Variants in PER2 observed in about 807,000 individuals in gnomAD.
PER2 encodes period circadian regulator 2, also known as period circadian protein homolog 2.
A neutral mutation model predicts 121.0 loss-of-function variants in PER2; 66 were observed. That is an observed-to-expected ratio of 0.55 (90% confidence interval 0.45 to 0.67). The LOEUF (loss-of-function observed/expected upper bound fraction) is 0.67, where lower values mean the gene tolerates loss of function less well. Ranked by LOEUF, PER2 falls within the 30% of genes least tolerant of loss-of-function variation. The pLI is 0.00. For missense variants in PER2, 1,521 were observed against 1,635.0 expected (o/e 0.93, Z 1.20); for synonymous variants, 684 against 659.9 (o/e 1.04, Z -0.56).
intron 14 of PER2, among the ~76,000 whole-genome samples, 167 bp from the exon 15 acceptor site, chr2:238,258,811 C>T (rs904996611): frequency 3.3e-5 from 5 of 152,138 alleles, no homozygotes; most frequent in African/African-American, 9.7e-5. Context: ...CCTGTGGGCA[C>T]GAGCACCACA....
chr2:238,259,954 TA>T lies in PER2; in HGVS notation c.1627+14del, dbSNP rs1695876743. On this transcript the variant is annotated intron_variant, in intron 14 of 22. Transcript: ENST00000254657. Reference sequence around the variant, plus strand: ...CTAGTTTCAGTAAGGAAATGTTGAATATTTTTTTTTTTACCTGTAACGGATT... The same window carrying T: ...CTAGTTTCAGTAAGGAAATGTTGAATTTTTTTTTTTTACCTGTAACGGATT... 6.9e-6 allele frequency: 8 copies of T among 1,162,766 alleles called. No individual in the cohort carries two copies. The highest frequency in any genetic ancestry group is 4.7e-5 in the East Asian group (2 of 42,304). The allele number at this position is 1,162,766 out of a possible 1,614,324, so 72.0% of individuals were successfully genotyped here. A position where few individuals can be genotyped will look rare whatever the true frequency, so the allele number is the denominator to read the frequency against.
rs1321616258 is a variant in PER2 at position 238,252,516 on chromosome 2, C to T, written c.3111+396G>A. 6.6e-6 allele frequency among the ~76,000 whole-genome samples: 1 copy of T among 152,224 alleles called. No homozygotes were observed. Among genetic ancestry groups the T allele is most frequent in the African/African-American group, 2.4e-5 (1 of 41,464 alleles). ...TTAGGGCTGTGTCCCCCTCCTTCTC[C>T]GCCTTCACCGGGGCCACCTGAGCCA... On this transcript the variant is annotated intron_variant, in intron 19 of 22. Transcript: ENST00000254657. The surrounding 1 kb of genome is among the most constrained non-coding windows in gnomAD (Gnocchi z 4.2).
chr2:238,274,503 T>C (rs1056863537), intron 4 of PER2, among the ~76,000 whole-genome samples: 11 of 152,200 alleles, frequency 7.2e-5, no homozygotes, highest in African/African-American at 2.7e-4. Context: ...AATCAAGATA[T>C]AAACTGCTGG....
chr2:238,273,082 A>G lies in PER2; in HGVS notation c.558T>C (p.Ile186=), dbSNP rs754196567. ...GAAAGAGGCTTACGGCATTCTTCAC[A>G]ATGTGCTCAGAGGTAACGCTCTCCA... is the stretch of plus-strand genomic sequence containing the variant. ...EEMESVTSEH[I]VKNADMFAVA... is the part of the protein sequence containing the mutation. The change falls in exon 5 of 23, where the codon ATT becomes ATC. Residue 186 remains isoleucine, a synonymous_variant. Transcript: ENST00000254657. 6 of 1,613,984 alleles carry G rather than the reference A, an allele frequency of 3.7e-6. No individual in the cohort carries two copies. Among genetic ancestry groups the G allele is most frequent in the Admixed American group, 1.7e-5 (1 of 60,008 alleles).
chr2:238,286,931 CAAGAG>C (rs1477553996), intron 1 of PER2, among the ~76,000 whole-genome samples: 2 of 152,214 alleles, frequency 1.3e-5, no homozygotes, highest in Non-Finnish European at 2.9e-5. Flanking sequence ...GGCCCAAAGG[CAAGAG>C]CATATCAGAA....
chr2:238,296,968 C>G, the PER2 span, among the ~76,000 whole-genome samples: 1 of 152,216 alleles, frequency 6.6e-6, no homozygotes, highest in African/African-American at 2.4e-5. Context: ...CGGGGGACAT[C>G]TTCAGCTCGA....
intron 18 of PER2, chr2:238,254,110 T>G (rs1424208585): frequency 3.9e-6 from 1 of 258,148 alleles, no homozygotes; most frequent in Non-Finnish European, 7.5e-6. Context: ...GCCACTGACC[T>G]CCTCTATTTT....
intron 11 of PER2, 122 bp from the exon 12 acceptor site, chr2:238,261,959 C>T: frequency 1.3e-6 from 1 of 760,268 alleles, no homozygotes; most frequent in Non-Finnish European, 2.2e-6. Flanking sequence ...TGCAGCCCCC[C>T]AGGCTGCTGC....
At chr2:238,261,215 A>T (rs552163288) in intron 12 of PER2, among the ~76,000 whole-genome samples, 1 of 152,362 alleles carries the variant, frequency 6.6e-6, no homozygotes, top group Admixed American at 6.5e-5. Flanking sequence ...TCATCAACGC[A>T]TGGCTGCAGC....
intron 22 of PER2, among the ~76,000 whole-genome samples, chr2:238,248,290 T>C (rs187153735): frequency 2.8e-4 from 42 of 152,244 alleles, no homozygotes; most frequent in African/African-American, 9.9e-4. Context: ...CTGGAGAACT[T>C]GAGACCTTGA....
chr2:238,297,160 C>A, the PER2 span, among the ~76,000 whole-genome samples: 7 of 152,292 alleles, frequency 4.6e-5, no homozygotes, highest in East Asian at 1.4e-3. Context: ...CCACATCCAC[C>A]CCGCACATCC....
At position 238,268,315 on chromosome 2, in the gene PER2, G is replaced by A; in HGVS notation, c.825-117C>T. On this transcript the variant is annotated intron_variant, in intron 7 of 22. Transcript: ENST00000254657. This position sits in a 1 kb window ranked among gnomAD's most constrained non-coding sequence, Gnocchi z 4.0. ...TGCAGGTGATGTGTACCTCTGCTCT[G>A]CCTGAGGAGCTGGGCCTGCCCCCTG... The A allele has an allele frequency of 9.4e-7, 1 of 1,065,316 alleles. No homozygotes were observed. Among genetic ancestry groups the A allele is most frequent in the Non-Finnish European group, 1.4e-6 (1 of 712,898 alleles). The allele number at this position is 1,065,316 out of a possible 1,614,324, so 66.0% of individuals were successfully genotyped here. A position where few individuals can be genotyped will look rare whatever the true frequency, so the allele number is the denominator to read the frequency against.
rs116038195 is a variant in PER2 at position 238,252,941 on chromosome 2, G to A, written c.3082C>T (p.Arg1028Trp). 5.6e-4 allele frequency: 901 copies of A among 1,613,786 alleles called. 1 individual carries two copies. The highest frequency in any genetic ancestry group is 6.6e-4 in the Non-Finnish European group (774 of 1,180,024). The change falls in exon 19 of 23, where the codon CGG (arginine) becomes TGG (tryptophan). Residue 1028 changes from arginine (R) to tryptophan (W), a missense_variant. Transcript: ENST00000254657. This position sits in a 1 kb window ranked among gnomAD's most constrained non-coding sequence, Gnocchi z 4.2. ...VGADCKPGTS[R>W]DQQPKAPLTR... ...AGAGGCGCCTTCGGCTGCTGGTCCC[G>A]AGAAGTGCCAGGTTTGCAGTCCGCC... is the stretch of plus-strand genomic sequence containing the variant.
rs1329886154 is a variant in PER2, at chr2:238,255,812, T to A, written c.2165A>T (p.Lys722Met). ...GLSQEKEPFKKLGLTKEVLAA... is the reference protein window; with the variant it reads ...GLSQEKEPFKMLGLTKEVLAA... The stretch of plus-strand genomic sequence containing the variant: ...GAGTACCTCCTTGGTGAGGCCCAGC[T>A]TCTTGAAGGGCTCCTTCTCTTGGCT... The change falls in exon 18 of 23, where the codon AAG becomes ATG. Residue 722 changes from lysine to methionine, a missense_variant. Transcript: ENST00000254657. The A allele has an allele frequency of 2.5e-6, 4 of 1,614,072 alleles. No homozygotes were observed.
chr2:238,244,371 G>C lies in PER2; in HGVS notation c.*2004C>G, dbSNP rs946686572. 3 of 152,602 alleles carry C rather than the reference G, an allele frequency of 2.0e-5. No homozygotes were observed. The highest frequency in any genetic ancestry group is 7.2e-5 in the African/African-American group (3 of 41,454). 9.5% of individuals were successfully genotyped at this position (152,602 alleles called of 1,614,324 possible). The stretch of plus-strand genomic sequence containing the variant: ...ACAAGATGATCCTATTAAGTCAACT[G>C]CTTGGCACGCGCTGAAGCTACAGTT... On this transcript the variant is annotated 3_prime_UTR_variant, in exon 23 of 23. Transcript: ENST00000254657.
intron 9 of PER2, among the ~76,000 whole-genome samples, chr2:238,263,759 AT>A (rs143744451): frequency 0.017 from 2,522 of 151,730 alleles, 38 homozygotes; most frequent in Non-Finnish European, 0.025. Context: ...GTGTAGAAGG[AT>A]TTTCCCTGTG....
intron 16 of PER2, 134 bp downstream of exon 16, chr2:238,258,142 T>G: frequency 9.9e-7 from 1 of 1,009,270 alleles, no homozygotes; most frequent in Admixed American, 1.9e-5. Context: ...GGTGCTGACT[T>G]TTGAACTACT....
At position 238,257,180 on chromosome 2, in the gene PER2, C is replaced by A. The variant is rs935365075; in HGVS notation, c.1901-94G>T. ...CACCCAAGTGCCCATACAGCTTCCA[C>A]ACCAGGGTGCACACAACCCATCCCA... On this transcript the variant is annotated intron_variant, in intron 16 of 22. Transcript: ENST00000254657. 26 of 1,105,774 alleles carry A rather than the reference C, an allele frequency of 2.4e-5. No individual in the cohort carries two copies. In the African/African-American group the frequency reaches 3.8e-4, roughly 16 times the overall value. The allele number at this position is 1,105,774 out of a possible 1,614,324, so 68.5% of individuals were successfully genotyped here.
In PER2 at chr2:238,258,567, C is replaced by G; in HGVS notation, c.1705G>C (p.Glu569Gln). The G allele has an allele frequency of 6.2e-7, 1 of 1,614,068 alleles. No homozygotes were observed. Among genetic ancestry groups the G allele is most frequent in the Non-Finnish European group, 8.5e-7 (1 of 1,179,950 alleles). The change falls in exon 15 of 23, where the codon GAG becomes CAG. Residue 569 changes from glutamate (E) to glutamine (Q), a missense_variant. By Grantham distance (29) the Glu-to-Gln change is conservative (BLOSUM62 2). Transcript: ENST00000254657. ...EKDSLGVSFP[E>Q]ELACKNQPTC... The stretch of plus-strand genomic sequence containing the variant: ...GGCTGGTTCTTGCAGGCCAACTCCT[C>G]GGGGAAGCTGACCCCCAGGCTGTCC...
Sources: gnomAD v4.1 joint callset for allele counts (sites outside exome capture counted in the v4.1 genomes callset) on GRCh38, gnomAD v4.1.1 for gene constraint, Gnocchi (gnomAD v3.1) non-coding constraint, MANE v1.5 for transcripts, NCBI Gene and HGNC (gene_info 2026-07-23, HGNC 2026-07-21) for gene names.